Variants in BTLA observed in about 807,000 individuals in gnomAD.
BTLA encodes B and T lymphocyte associated, also known as B- and T-lymphocyte attenuator.
BTLA carries 11 observed loss-of-function variants against 25.0 expected under a neutral mutation model. The observed-to-expected ratio is 0.44, with a 90% CI of 0.28 to 0.73. BTLA has a LOEUF of 0.73. BTLA is among the 30% of genes least tolerant of loss of function. The probability of loss-of-function intolerance (pLI) is 0.15; values close to 1 mark genes in which losing one functional copy is unlikely to be tolerated. For missense variants in BTLA, 282 were observed against 332.8 expected, an observed-to-expected ratio of 0.85 and a Z score of 1.19; for synonymous variants, 104 against 119.8, an observed-to-expected ratio of 0.87 and a Z score of 0.86.
At chr3:112,494,364 G>A (rs2082397566) in intron 1 of BTLA, among the ~76,000 whole-genome samples, 1 of 152,080 alleles carries the variant, frequency 6.6e-6, no homozygotes, top group South Asian at 2.1e-4. Flanking sequence ...CCTCGATCTA[G>A]AACCAGAAAT....
In BTLA at chr3:112,466,055, A is replaced by G. The variant is rs2082224162; in HGVS notation, c.*53T>C. On this transcript the variant is annotated 3_prime_UTR_variant, in exon 5 of 5. Coordinates refer to ENST00000334529, the MANE Select transcript of BTLA (RefSeq NM_181780.4). ...TTTGACATCCTGTTGAGCCCAGACAATGATGTCAACATGCTGATCATTCAA... is the reference window on the plus strand; with the variant it reads ...TTTGACATCCTGTTGAGCCCAGACAGTGATGTCAACATGCTGATCATTCAA... The G allele has an allele frequency of 6.8e-7, 1 of 1,473,468 alleles. No homozygotes were observed. Among genetic ancestry groups the G allele is most frequent in the Non-Finnish European group, 9.1e-7 (1 of 1,098,884 alleles). 91.3% of individuals were successfully genotyped at this position (1,473,468 alleles called of 1,614,324 possible).
intron 2 of BTLA, among the ~76,000 whole-genome samples, chr3:112,476,888 G>C (rs1048975523): frequency 2.0e-5 from 3 of 152,034 alleles, no homozygotes; most frequent in Non-Finnish European, 1.5e-5. Context: ...GCTACTTTCT[G>C]TCTCTATGGA....
intron 1 of BTLA, among the ~76,000 whole-genome samples, chr3:112,495,211 G>A (rs1224257948): frequency 6.6e-6 from 1 of 152,180 alleles, no homozygotes; most frequent in East Asian, 1.9e-4. Flanking sequence ...TTAAATGGCA[G>A]ACATAGGATA....
chr3:112,490,411 G>A (rs1166548169), intron 1 of BTLA, among the ~76,000 whole-genome samples: 1 of 152,052 alleles, frequency 6.6e-6, no homozygotes, highest in Admixed American at 6.6e-5. Flanking sequence ...AAACTGACTG[G>A]CCCTCAGTCC....
chr3:112,499,411 G>A lies in BTLA; in HGVS notation c.-53C>T, dbSNP rs2082429643. The A allele has an allele frequency of 2.0e-6, 3 of 1,512,148 alleles. No individual in the cohort carries two copies. Among genetic ancestry groups the A allele is most frequent in the East Asian group, 2.3e-5 (1 of 43,928 alleles). The allele number at this position is 1,512,148 out of a possible 1,614,324, so 93.7% of individuals were successfully genotyped here. A position where few individuals can be genotyped will look rare whatever the true frequency, so the allele number is the denominator to read the frequency against. On this transcript the variant is annotated 5_prime_UTR_variant, in exon 1 of 5. It adds an upstream start codon to the 5' untranslated region. Transcript: ENST00000334529. ...CTGCTCAAGTAGAAGGCTTTGCTTCGTCTTCTGAGTGCTGCAGAGTTGGGT... is the reference window on the plus strand; with the variant it reads ...CTGCTCAAGTAGAAGGCTTTGCTTCATCTTCTGAGTGCTGCAGAGTTGGGT...
chr3:112,489,173 A>T (rs1576690226), intron 1 of BTLA, among the ~76,000 whole-genome samples: 1 of 152,204 alleles, frequency 6.6e-6, no homozygotes, highest in African/African-American at 2.4e-5. Context: ...ATTTATGTCC[A>T]CTCAGGGGTG....
chr3:112,498,229 A>G (rs2082420722), intron 1 of BTLA, among the ~76,000 whole-genome samples: 1 of 152,082 alleles, frequency 6.6e-6, no homozygotes, highest in Non-Finnish European at 1.5e-5. Context: ...AATTGGGGTT[A>G]TCCAACATCT....
intron 1 of BTLA, among the ~76,000 whole-genome samples, chr3:112,488,228 C>CTTTTTTTTTTT (rs546779181): frequency 3.2e-5 from 4 of 124,848 alleles, no homozygotes; most frequent in Admixed American, 9.1e-5. Flanking sequence ...TTTCTTTTTT[C>CTTTTTTTTTTT]TTTTTTTTTT....
Position 112,464,347 on chromosome 3 carries a change from G to A in BTLA, c.*1761C>T, listed in dbSNP as rs2082213491. On this transcript the variant is annotated 3_prime_UTR_variant, in exon 5 of 5. Transcript: ENST00000334529. ...ATGAAGGAACTGTTCAATTTCGTGT[G>A]TTCATCTGATAAGAGGACAGCTAAA... The A allele has an allele frequency of 5.2e-6, 2 of 386,972 alleles. No individual in the cohort carries two copies. The highest frequency in any genetic ancestry group is 9.1e-6 in the Non-Finnish European group (2 of 218,694). 24.0% of individuals were successfully genotyped at this position (386,972 alleles called of 1,614,324 possible).
chr3:112,466,814 A>T (rs913309806), intron 4 of BTLA, among the ~76,000 whole-genome samples: 3 of 152,256 alleles, frequency 2.0e-5, no homozygotes, highest in African/African-American at 7.2e-5. Flanking sequence ...GGGCAGAAAC[A>T]ATAAATATTA....
rs117736510 is a variant in BTLA at position 112,487,114 on chromosome 3, A to G, written c.89-7345T>C. Among the ~76,000 whole-genome samples the G allele has an allele frequency of 2.6e-4, 40 of 152,368 alleles. No homozygotes were observed. The East Asian group carries it at 6.7e-3, about 26-fold the overall frequency. ...TGGGAAGTTCTCTGAGTTAACTTGCAAGTAGAATGCAATGTTTGTCAAATG... is the reference window on the plus strand; with the variant it reads ...TGGGAAGTTCTCTGAGTTAACTTGCGAGTAGAATGCAATGTTTGTCAAATG... On this transcript the variant is annotated intron_variant, in intron 1 of 4. Coordinates refer to ENST00000334529, the MANE Select transcript of BTLA (RefSeq NM_181780.4).
At chr3:112,497,288 T>A (rs1203541783) in intron 1 of BTLA, among the ~76,000 whole-genome samples, 3 of 152,172 alleles carry the variant, frequency 2.0e-5, no homozygotes, top group Non-Finnish European at 4.4e-5. Context: ...TCTACAGTCT[T>A]CACAGCAGCC....
intron 1 of BTLA, among the ~76,000 whole-genome samples, chr3:112,495,650 T>C (rs1265246225): frequency 6.6e-6 from 1 of 152,244 alleles, no homozygotes; most frequent in African/African-American, 2.4e-5. Flanking sequence ...ACATAGGCAC[T>C]TGGCAGAAGA....
chr3:112,487,830 A>G (rs1297517646), intron 1 of BTLA, among the ~76,000 whole-genome samples: 1 of 152,180 alleles, frequency 6.6e-6, no homozygotes, highest in African/African-American at 2.4e-5. Context: ...CAAGAGGAAG[A>G]CAGTCTTTCT....
chr3:112,472,571 G>A (rs1460925987), intron 2 of BTLA, among the ~76,000 whole-genome samples: 1 of 152,068 alleles, frequency 6.6e-6, no homozygotes, highest in Admixed American at 6.6e-5. Context: ...GTATGCACCT[G>A]TAATCCCAGG....
chr3:112,476,202 C>T (rs1032358575), intron 2 of BTLA, among the ~76,000 whole-genome samples: 1 of 152,210 alleles, frequency 6.6e-6, no homozygotes, highest in Non-Finnish European at 1.5e-5. Context: ...AAGTAACTAG[C>T]ACCGAGCTTC....
intron 1 of BTLA, 54 bp downstream of exon 1, chr3:112,499,217 C>T (rs916929103): frequency 1.6e-6 from 2 of 1,271,582 alleles, no homozygotes; most frequent in Non-Finnish European, 1.1e-6. Flanking sequence ...GAGAATGTTG[C>T]CTCCAAGACC....
chr3:112,469,420 G>A (rs1408806514), intron 4 of BTLA, among the ~76,000 whole-genome samples: 1 of 151,872 alleles, frequency 6.6e-6, no homozygotes, highest in African/African-American at 2.4e-5. Context: ...TGAATAGCCT[G>A]AAGCCACATA....
At chr3:112,474,050 G>A (rs886719248) in intron 2 of BTLA, among the ~76,000 whole-genome samples, 1 of 152,100 alleles carries the variant, frequency 6.6e-6, no homozygotes, top group African/African-American at 2.4e-5. Context: ...TGTGCAAGGT[G>A]CTTTTCTTCA....
Sources: allele counts gnomAD v4.1 joint callset (sites outside exome capture counted in the v4.1 genomes callset), GRCh38; gene constraint gnomAD v4.1.1; transcripts MANE v1.5; gene names NCBI Gene and HGNC (gene_info 2026-07-23, HGNC 2026-07-21).